Variants in NAALADL2 observed in about 807,000 individuals in gnomAD.
NAALADL2 encodes inactive N-acetylated-alpha-linked acidic dipeptidase-like protein 2.
In NAALADL2, 76 loss-of-function variants were observed where a neutral mutation model predicts 87.2. The ratio of observed to expected loss-of-function variants is 0.87; its 90% CI spans 0.72 to 1.05. The LOEUF is 1.05. Ranked by LOEUF, NAALADL2 falls within the 50% of genes least tolerant of loss-of-function variation. The pLI is 0.00. For missense variants in NAALADL2, 1,089 were observed against 945.8 expected (o/e 1.15, Z -1.99); for synonymous variants, 354 against 331.0 (o/e 1.07, Z -0.75).
At chr3:175,725,057 A>G (rs1044262548) in intron 11 of NAALADL2, among the ~76,000 whole-genome samples, 18 of 152,232 alleles carry the variant, frequency 1.2e-4, no homozygotes, top group African/African-American at 4.3e-4. Context: ...TTAAATTCCT[A>G]AAGAGAAAAC....
At chr3:174,838,588 G>A (rs1723642021) in intron 3 of NAALADL2, among the ~76,000 whole-genome samples, 1 of 152,090 alleles carries the variant, frequency 6.6e-6, no homozygotes, top group African/African-American at 2.4e-5. Flanking sequence ...TGTTTACCTA[G>A]AAAACTCTAA....
chr3:175,050,162 T>C (rs1048872525), intron 1 of NAALADL2, among the ~76,000 whole-genome samples: 1 of 152,230 alleles, frequency 6.6e-6, no homozygotes, highest in Non-Finnish European at 1.5e-5. Context: ...GTTTCCACCT[T>C]GTGACCCAAC....
At chr3:175,129,398 G>A (rs1282548235) in intron 2 of NAALADL2, among the ~76,000 whole-genome samples, 2 of 152,058 alleles carry the variant, frequency 1.3e-5, no homozygotes, top group African/African-American at 2.4e-5. Context: ...AGTCACCATG[G>A]TGTACAATAG....
intron 12 of NAALADL2, among the ~76,000 whole-genome samples, chr3:175,754,224 A>C (rs1052493756): frequency 2.0e-5 from 3 of 152,198 alleles, no homozygotes; most frequent in African/African-American, 7.2e-5. Context: ...TATTACATTC[A>C]TTTTACAGAT....
At chr3:175,004,660 A>T (rs891062166) in intron 1 of NAALADL2, among the ~76,000 whole-genome samples, 3 of 152,152 alleles carry the variant, frequency 2.0e-5, no homozygotes, top group African/African-American at 4.8e-5. Flanking sequence ...AACAACCACA[A>T]GTTGTCCACG....
At chr3:175,087,810 C>T (rs1321569859) in intron 1 of NAALADL2, among the ~76,000 whole-genome samples, 2 of 151,750 alleles carry the variant, frequency 1.3e-5, no homozygotes, top group African/African-American at 2.4e-5. Context: ...AACCAGAGAC[C>T]CTTGTTCACA....
At chr3:175,759,029 T>C (rs987694869) in intron 13 of NAALADL2, among the ~76,000 whole-genome samples, 3 of 152,144 alleles carry the variant, frequency 2.0e-5, no homozygotes, top group Non-Finnish European at 4.4e-5. Flanking sequence ...CACTGGAATA[T>C]ATTATTTTTG....
chr3:174,906,609 C>T (rs551369510), intron 1 of NAALADL2, among the ~76,000 whole-genome samples: 3 of 152,062 alleles, frequency 2.0e-5, no homozygotes, highest in Non-Finnish European at 4.4e-5. Flanking sequence ...AGAACTGAAT[C>T]TTGCCAACAA....
chr3:174,888,321 G>T (rs1730450201), intron 1 of NAALADL2, among the ~76,000 whole-genome samples: 1 of 152,152 alleles, frequency 6.6e-6, no homozygotes, highest in South Asian at 2.1e-4. Flanking sequence ...GAAGTAATTA[G>T]GCCTACAAAG....
At chr3:175,173,291 CAAAA>C (rs923947702) in intron 2 of NAALADL2, among the ~76,000 whole-genome samples, 3 of 99,570 alleles carry the variant, frequency 3.0e-5, no homozygotes, top group African/African-American at 1.2e-4. Context: ...GACTCCGTTT[CAAAA>C]TAAATAAATA....
intron 11 of NAALADL2, among the ~76,000 whole-genome samples, chr3:175,635,815 G>C (rs1051086550): frequency 6.6e-6 from 1 of 152,152 alleles, no homozygotes; most frequent in South Asian, 2.1e-4. Flanking sequence ...GTACAGAGAC[G>C]AAGGGCAGAA....
intron 3 of NAALADL2, among the ~76,000 whole-genome samples, chr3:174,812,605 G>C (rs1252469260): frequency 6.6e-6 from 1 of 152,042 alleles, no homozygotes; most frequent in Non-Finnish European, 1.5e-5. Context: ...GGTTCTTCAA[G>C]AGGTATTCCA....
rs567034155 is a variant in NAALADL2 at position 174,615,416 on chromosome 3, T to C, written c.-115+64779T>C. Among the ~76,000 whole-genome samples the C allele has an allele frequency of 1.2e-4, 18 of 152,304 alleles. No homozygotes were observed. In the East Asian group the frequency reaches 3.5e-3, roughly 29 times the overall value. ...TTGATAGAGGTGGTTTTTCTTCCTGTATTCCTCCTGTTAACCAAAATGGAT... is the reference window on the plus strand; with the variant it reads ...TTGATAGAGGTGGTTTTTCTTCCTGCATTCCTCCTGTTAACCAAAATGGAT... On this transcript the variant is annotated intron_variant, in intron 2 of 3. Transcript: ENST00000434257.
Position 175,234,089 on chromosome 3 carries a change from G to A in NAALADL2, c.704G>A (p.Ser235Asn), listed in dbSNP as rs764472606. Reference sequence around the variant, plus strand: ...TCTCCCAGCACTGTGACTCTGAGCAGCAGTGGTCAATGCTTTCATCCTAAT... The same window carrying A: ...TCTCCCAGCACTGTGACTCTGAGCAACAGTGGTCAATGCTTTCATCCTAAT... ...GPSPSTVTLS[S>N]SGQCFHPNGQ... is the part of the protein sequence containing the mutation. The change falls in exon 3 of 14, where the codon AGC becomes AAC. Residue 235 changes from serine to asparagine, a missense_variant. By Grantham distance (46) the Ser-to-Asn change is conservative. Transcript: ENST00000454872. The A allele has an allele frequency of 1.2e-6, 2 of 1,613,910 alleles. No individual in the cohort carries two copies. Among genetic ancestry groups the A allele is most frequent in the South Asian group, 1.1e-5 (1 of 91,078 alleles).
intron 12 of NAALADL2, among the ~76,000 whole-genome samples, chr3:175,749,179 A>G (rs1746307194): frequency 3.1e-5 from 2 of 63,542 alleles, no homozygotes; most frequent in Admixed American, 2.0e-4. Flanking sequence ...GGGGAGGAGA[A>G]GGGAGAGGAG....
chr3:175,732,826 T>A (rs1252261903), intron 11 of NAALADL2, among the ~76,000 whole-genome samples: 1 of 120,736 alleles, frequency 8.3e-6, no homozygotes, highest in South Asian at 2.5e-4. Context: ...CTCAAAGGAA[T>A]AAAAAGTTAT....
chr3:174,513,200 T>C (rs900885091), intron 1 of NAALADL2, among the ~76,000 whole-genome samples: 1 of 152,068 alleles, frequency 6.6e-6, no homozygotes, highest in Non-Finnish European at 1.5e-5. Flanking sequence ...GATCTCCTGA[T>C]CTACCTGCCT....
intron 3 of NAALADL2, among the ~76,000 whole-genome samples, chr3:174,828,212 TC>T (rs1490440762): frequency 6.8e-5 from 10 of 146,880 alleles, no homozygotes; most frequent in African/African-American, 1.1e-4. Context: ...CTCTCAATCT[TC>T]CCCCCAAAAG....
At chr3:175,564,499 T>A (rs1716795079) in intron 9 of NAALADL2, among the ~76,000 whole-genome samples, 1 of 152,188 alleles carries the variant, frequency 6.6e-6, no homozygotes, top group Non-Finnish European at 1.5e-5. Flanking sequence ...AATACATCAC[T>A]GACATGCTGA....
Sources: allele counts gnomAD v4.1 joint callset (sites outside exome capture counted in the v4.1 genomes callset), GRCh38; gene constraint gnomAD v4.1.1; transcripts MANE v1.5; gene names NCBI Gene and HGNC (gene_info 2026-07-23, HGNC 2026-07-21).